The following ABCA8 variants were observed in gnomAD, a reference collection of about 807,000 sequenced individuals.
ABCA8 encodes ABC-type organic anion transporter ABCA8.
ABCA8 carries 177 observed loss-of-function variants against 192.3 expected under a neutral mutation model. The ratio of observed to expected loss-of-function variants is 0.92; its 90% CI spans 0.81 to 1.04. The LOEUF is 1.04. ABCA8 is among the 50% of genes least tolerant of loss of function. The pLI, the probability that ABCA8 is intolerant of heterozygous loss-of-function variation, is 0.00. For synonymous variants in ABCA8, 642 were observed against 690.2 expected (o/e 0.93, Z 1.09); for missense variants, 1,915 against 1,904.8 (o/e 1.01, Z -0.10).
intron 29 of ABCA8, 41 bp from the exon 30 acceptor site, chr17:68,882,760 C>G (rs1159188429): frequency 6.3e-7 from 1 of 1,586,126 alleles, no homozygotes; most frequent in East Asian, 2.2e-5. Context: ...TTCTGGCTTT[C>G]ATCTTTGTAT....
Position 68,932,407 on chromosome 17 carries a change from A to C in ABCA8, c.678T>G (p.Leu226=). ...AGGAAAATGAAATAATGCAGGAAAA[A>C]AGGTACAAATCAGTTATAACTCCTG... ...GQSGVITDLY[L]FSCIISFSSF... The change falls in exon 7 of 40, where the codon CTT becomes CTG. Residue 226 remains leucine (L), a synonymous_variant. Transcript: ENST00000586539. The C allele has an allele frequency of 6.2e-7, 1 of 1,614,022 alleles. No homozygotes were observed. The highest frequency in any genetic ancestry group is 8.5e-7 in the Non-Finnish European group (1 of 1,179,860).
At chr17:68,903,120 A>G (rs7211979) in intron 20 of ABCA8, among the ~76,000 whole-genome samples, 181 bp downstream of exon 20, 125,376 of 152,142 alleles carry the variant, frequency 0.82, 52,262 homozygotes, top group East Asian at 1. Context: ...AATTTCATGC[A>G]ATATTTGTCC....
At chr17:68,870,046 G>A (rs892281493) in intron 37 of ABCA8, among the ~76,000 whole-genome samples, 2 of 152,144 alleles carry the variant, frequency 1.3e-5, no homozygotes, top group East Asian at 3.9e-4. Flanking sequence ...CCAACAGAAG[G>A]TCTTTCCCAG....
chr17:68,927,891 T>C (rs772306157), intron 10 of ABCA8, 25 bp downstream of exon 10: 1 of 1,496,958 alleles, frequency 6.7e-7, no homozygotes, highest in Non-Finnish European at 9.1e-7. Context: ...AAATGATATA[T>C]GATTTTAATC....
chr17:68,871,606 T>TG (rs1049699326), intron 37 of ABCA8, among the ~76,000 whole-genome samples: 2 of 152,212 alleles, frequency 1.3e-5, no homozygotes, highest in Non-Finnish European at 2.9e-5. Context: ...AGTTTTTTTT[T>TG]GCTACTGGAG....
At chr17:68,908,631 T>C (rs527476670) in intron 17 of ABCA8, among the ~76,000 whole-genome samples, 168 of 152,280 alleles carry the variant, frequency 1.1e-3, no homozygotes, top group Non-Finnish European at 1.1e-3. Flanking sequence ...GAACTTTGAA[T>C]AAGAACAAAG....
intron 32 of ABCA8, 70 bp from the exon 33 acceptor site, chr17:68,877,749 T>C (rs1204195081): frequency 1.4e-6 from 2 of 1,466,844 alleles, no homozygotes. Flanking sequence ...ATGACATCAT[T>C]CTCTTCACGA....
At chr17:68,870,061 T>G (rs2066008489) in intron 37 of ABCA8, among the ~76,000 whole-genome samples, 1 of 152,104 alleles carries the variant, frequency 6.6e-6, no homozygotes, top group Non-Finnish European at 1.5e-5. Flanking sequence ...TCCCAGCTGG[T>G]TTGAACCCAA....
At chr17:68,875,549 G>A in intron 36 of ABCA8, 65 bp downstream of exon 36, 1 of 1,599,112 alleles carries the variant, frequency 6.3e-7, no homozygotes, top group Non-Finnish European at 8.5e-7. Context: ...ATCTCTCCCT[G>A]CCACAGACAA....
chr17:68,938,235 C>T (rs1202066152), intron 4 of ABCA8, among the ~76,000 whole-genome samples: 2 of 151,762 alleles, frequency 1.3e-5, no homozygotes, highest in Admixed American at 1.3e-4. Flanking sequence ...GGTGAGGCGC[C>T]GTTGGAAAGC....
intron 24 of ABCA8, among the ~76,000 whole-genome samples, chr17:68,888,637 G>A (rs184010528): frequency 6.6e-6 from 1 of 152,172 alleles, no homozygotes; most frequent in Non-Finnish European, 1.5e-5. Flanking sequence ...AAATAGCAAG[G>A]GGGGAAGACA....
chr17:68,932,035 C>G, intron 7 of ABCA8: 1 of 287,892 alleles, frequency 3.5e-6, no homozygotes, highest in South Asian at 4.9e-5. Context: ...ACGGTGAAAC[C>G]CCGTCTCTAC....
chr17:68,875,819 C>T lies in ABCA8; in HGVS notation c.4371-86G>A, dbSNP rs1420038501. 1.9e-5 allele frequency: 27 copies of T among 1,438,874 alleles called. No homozygotes were observed. In the East Asian group the frequency reaches 3.0e-4, roughly 16 times the overall value. 89.1% of individuals were successfully genotyped at this position (1,438,874 alleles called of 1,614,324 possible). ...GAGAAAAGAATTTTTAACTGGCATG[C>T]GTGTGAATAATTAGCAAAAAGAGAT... On this transcript the variant is annotated intron_variant, in intron 35 of 39. Coordinates refer to ENST00000586539, the MANE Select transcript of ABCA8 (RefSeq NM_001288985.2).
intron 13 of ABCA8, among the ~76,000 whole-genome samples, chr17:68,920,496 T>C (rs972384714): frequency 6.6e-6 from 1 of 151,170 alleles, no homozygotes; most frequent in African/African-American, 2.4e-5. Context: ...TAGCAACTAA[T>C]GAGCATGAAA....
At chr17:68,887,620 T>G (rs1567829982) in intron 24 of ABCA8, 114 bp from the exon 25 acceptor site, 1 of 914,042 alleles carries the variant, frequency 1.1e-6, no homozygotes, top group Non-Finnish European at 1.6e-6. Context: ...TGTCTACAAA[T>G]GTAATCTGGA....
intron 2 of ABCA8, among the ~76,000 whole-genome samples, chr17:68,946,196 T>C (rs989142094): frequency 6.6e-6 from 1 of 152,034 alleles, no homozygotes. Flanking sequence ...GTCTCCCAAG[T>C]AGCAGGGACT....
chr17:68,888,506 G>A (rs1598204576), intron 24 of ABCA8, among the ~76,000 whole-genome samples: 1 of 152,248 alleles, frequency 6.6e-6, no homozygotes, highest in East Asian at 1.9e-4. Context: ...GGTCTATGCA[G>A]GTAGTTGAAT....
At chr17:68,924,070 G>T (rs2067621362) in intron 11 of ABCA8, among the ~76,000 whole-genome samples, 1 of 152,098 alleles carries the variant, frequency 6.6e-6, no homozygotes. Context: ...TTAAAAAGTG[G>T]AGAGAAAAGG....
intron 38 of ABCA8, among the ~76,000 whole-genome samples, chr17:68,869,325 G>C (rs3826429): frequency 0.41 from 62,815 of 151,914 alleles, 13,549 homozygotes; most frequent in East Asian, 0.53. Context: ...TAATATACAG[G>C]CTAAGACAGT....
Sources: allele counts gnomAD v4.1 joint callset (sites outside exome capture counted in the v4.1 genomes callset), GRCh38; gene constraint gnomAD v4.1.1; transcripts MANE v1.5; gene names NCBI Gene and HGNC (gene_info 2026-07-23, HGNC 2026-07-21).